Variants in MMP16 observed in about 807,000 individuals in gnomAD.
MMP16 encodes matrix metallopeptidase 16, also known as matrix metalloproteinase-16.
In MMP16, 12 loss-of-function variants were observed where a neutral mutation model predicts 67.8. The ratio of observed to expected loss-of-function variants is 0.18; its 90% CI spans 0.11 to 0.29. The LOEUF is 0.29. Ranked by LOEUF, MMP16 falls within the 10% of genes least tolerant of loss-of-function variation. The pLI is 1.00. For synonymous variants in MMP16, 249 were observed against 255.9 expected (o/e 0.97, Z 0.26); for missense variants, 475 against 765.7 (o/e 0.62, Z 4.48).
chr8:88,070,714 G>A (rs943202167), intron 7 of MMP16, among the ~76,000 whole-genome samples: 1 of 152,050 alleles, frequency 6.6e-6, no homozygotes, highest in Non-Finnish European at 1.5e-5. Flanking sequence ...GCCGCAGCCT[G>A]TAAATTATTC....
chr8:88,280,709 G>C (rs1461809727), intron 1 of MMP16, among the ~76,000 whole-genome samples: 5 of 152,106 alleles, frequency 3.3e-5, no homozygotes, highest in African/African-American at 1.2e-4. Flanking sequence ...TGGGCAACAT[G>C]CCTCCACAAA....
Position 88,282,086 on chromosome 8 carries a change from G to GTT in MMP16, c.132+44988_132+44989insAA, listed in dbSNP as rs1288796525. ...TCCAGATTTTTTTTTCTTTTTTGGG[G>GTT]GGGGGGGGGCGACGGGGTCTTGCTG... On this transcript the variant is annotated intron_variant, in intron 1 of 9. Coordinates refer to ENST00000286614, the MANE Select transcript of MMP16 (RefSeq NM_005941.5). 2.6e-4 allele frequency among the ~76,000 whole-genome samples: 39 copies of GTT among 148,488 alleles called. 2 individuals are homozygous for GTT. The highest frequency in any genetic ancestry group is 9.9e-4 in the African/African-American group (39 of 39,330).
chr8:88,218,883 T>C (rs1391512757), intron 1 of MMP16, among the ~76,000 whole-genome samples: 1 of 152,028 alleles, frequency 6.6e-6, no homozygotes, highest in Non-Finnish European at 1.5e-5. Context: ...TTAGAGACTC[T>C]TAAGAATTGG....
chr8:88,161,394 T>C (rs1238190660), intron 4 of MMP16, among the ~76,000 whole-genome samples: 1 of 152,162 alleles, frequency 6.6e-6, no homozygotes, highest in Non-Finnish European at 1.5e-5. Context: ...AGTGGTGACA[T>C]CCCCTTTATC....
In MMP16 at chr8:88,034,361, AG is replaced by A. The variant is rs915513739; in HGVS notation, c.*7099del. The A allele has an allele frequency of 1.3e-5, 2 of 152,440 alleles. No individual in the cohort carries two copies. The highest frequency in any genetic ancestry group is 4.8e-5 in the African/African-American group (2 of 41,414). The allele number at this position is 152,440 out of a possible 1,614,324, so 9.4% of individuals were successfully genotyped here. On this transcript the variant is annotated 3_prime_UTR_variant, in exon 10 of 10. Coordinates refer to ENST00000286614, the MANE Select transcript of MMP16 (RefSeq NM_005941.5). ...TCTGTATTTTTGGGTGAGAAACAGA[AG>A]GCAAACAAATAACGATCTTAGAATT...
At chr8:88,189,295 G>A (rs1326125246) in intron 2 of MMP16, among the ~76,000 whole-genome samples, 1 of 152,002 alleles carries the variant, frequency 6.6e-6, no homozygotes, top group Non-Finnish European at 1.5e-5. Context: ...TAGATATCCT[G>A]TCATCAGCTC....
chr8:88,157,891 A>C (rs543967556), intron 4 of MMP16, among the ~76,000 whole-genome samples: 225 of 143,060 alleles, frequency 1.6e-3, no homozygotes, highest in African/African-American at 5.7e-3. Context: ...CTCATTGTTC[A>C]ATTCCCACCT....
At chr8:88,173,239 A>T (rs1187340834) in intron 3 of MMP16, among the ~76,000 whole-genome samples, 1 of 152,072 alleles carries the variant, frequency 6.6e-6, no homozygotes, top group East Asian at 1.9e-4. Context: ...TTTTGTAGAG[A>T]CAGGGTTTTG....
At chr8:88,285,457 T>A (rs920111730) in intron 1 of MMP16, among the ~76,000 whole-genome samples, 2 of 152,136 alleles carry the variant, frequency 1.3e-5, no homozygotes, top group African/African-American at 2.4e-5. Flanking sequence ...ACTGTTTTTT[T>A]ATCTTTCCCA....
At chr8:88,115,634 A>T (rs1330902929) in intron 6 of MMP16, among the ~76,000 whole-genome samples, 1 of 152,052 alleles carries the variant, frequency 6.6e-6, no homozygotes, top group Admixed American at 6.6e-5. Context: ...ACAGCATTGG[A>T]TTATTTATTG....
chr8:88,111,673 T>G (rs1586157189), intron 6 of MMP16, among the ~76,000 whole-genome samples: 1 of 151,856 alleles, frequency 6.6e-6, no homozygotes, highest in African/African-American at 2.4e-5. Flanking sequence ...TGCATTGTTT[T>G]ACAATGTCAT....
chr8:88,309,784 C>G (rs773958385), intron 1 of MMP16, among the ~76,000 whole-genome samples: 2 of 152,050 alleles, frequency 1.3e-5, no homozygotes, highest in African/African-American at 2.4e-5. Context: ...ACCAATATAG[C>G]AAAAGCAAAT....
intron 4 of MMP16, among the ~76,000 whole-genome samples, chr8:88,166,080 C>T (rs1413673468): frequency 6.6e-6 from 1 of 151,884 alleles, no homozygotes; most frequent in Non-Finnish European, 1.5e-5. Context: ...TTAAATTTAA[C>T]TCAACCTAAT....
intron 1 of MMP16, among the ~76,000 whole-genome samples, chr8:88,219,060 TAAGA>T (rs1809638154): frequency 6.6e-6 from 1 of 151,288 alleles, no homozygotes; most frequent in Non-Finnish European, 1.5e-5. Context: ...GCTGGTGAGG[TAAGA>T]AAGATAATAA....
At chr8:88,260,368 T>C (rs1009852946) in intron 1 of MMP16, among the ~76,000 whole-genome samples, 1 of 152,196 alleles carries the variant, frequency 6.6e-6, no homozygotes, top group African/African-American at 2.4e-5. Context: ...AAAACACTTA[T>C]TTTCCTTGCT....
At chr8:88,296,799 C>T (rs976088384) in intron 1 of MMP16, among the ~76,000 whole-genome samples, 1 of 149,546 alleles carries the variant, frequency 6.7e-6, no homozygotes, top group Non-Finnish European at 1.5e-5. Context: ...GAGCTGAGAT[C>T]GCACCACTGC....
At chr8:88,195,265 G>A (rs1586199331) in intron 2 of MMP16, among the ~76,000 whole-genome samples, 2 of 152,238 alleles carry the variant, frequency 1.3e-5, no homozygotes, top group African/African-American at 4.8e-5. Flanking sequence ...TTGCGGAAAT[G>A]TACCTTTTCT....
At chr8:88,259,902 C>A (rs1167360540) in intron 1 of MMP16, among the ~76,000 whole-genome samples, 1 of 152,170 alleles carries the variant, frequency 6.6e-6, no homozygotes, top group Admixed American at 6.5e-5. Flanking sequence ...AGCGTTCAGT[C>A]TGGTAAACTG....
intron 6 of MMP16, among the ~76,000 whole-genome samples, chr8:88,109,485 T>C (rs1172008544): frequency 1.3e-5 from 2 of 151,310 alleles, no homozygotes; most frequent in African/African-American, 4.8e-5. Flanking sequence ...CAAAGCACAA[T>C]GATAATTACA....
Sources: gnomAD v4.1 joint callset for allele counts (sites outside exome capture counted in the v4.1 genomes callset) on GRCh38, gnomAD v4.1.1 for gene constraint, MANE v1.5 for transcripts, NCBI Gene and HGNC (gene_info 2026-07-23, HGNC 2026-07-21) for gene names.